Variants in GFM1 observed in about 807,000 individuals in gnomAD.
GFM1 encodes elongation factor G, mitochondrial.
Under a neutral mutation model 96.2 loss-of-function variants are expected in GFM1, and 62 were observed. The observed-to-expected ratio is 0.64, with a 90% CI of 0.53 to 0.80. The LOEUF (loss-of-function observed/expected upper bound fraction) is 0.80. GFM1 is among the 30% of genes least tolerant of loss of function. GFM1 has a pLI of 0.00. For synonymous variants in GFM1, 282 were observed against 312.9 expected, an observed-to-expected ratio of 0.90 and a Z score of 1.04; for missense variants, 852 against 916.6, an observed-to-expected ratio of 0.93 and a Z score of 0.91.
chr3:158,691,317 CT>C lies in GFM1; in HGVS notation c.2125-11del, dbSNP rs747030381. 5 of 1,611,214 alleles carry C rather than the reference CT, an allele frequency of 3.1e-6. No individual in the cohort carries two copies. The highest frequency in any genetic ancestry group is 4.2e-6 in the Non-Finnish European group (5 of 1,178,138). On this transcript the variant is annotated intron_variant, in intron 17 of 17. Coordinates refer to ENST00000486715, the MANE Select transcript of GFM1 (RefSeq NM_024996.7). The stretch of plus-strand genomic sequence containing the variant: ...CAAACAAACAAACAAAAAACCCTCT[CT>C]TTTTTTTAAATCCCTAGGGAAAGGG...
intron 9 of GFM1, chr3:158,660,499 C>T (rs1723117140): frequency 1.6e-5 from 4 of 246,636 alleles, no homozygotes; most frequent in South Asian, 1.4e-4. Context: ...CCACTCGCCT[C>T]GGCCTCCCAA....
intron 13 of GFM1, chr3:158,672,270 C>T: frequency 6.4e-7 from 1 of 1,572,178 alleles, no homozygotes; most frequent in South Asian, 1.2e-5. Flanking sequence ...AGTGTCTGCA[C>T]CCAAAGGCTG....
chr3:158,651,999 C>CA (rs1441614286), intron 5 of GFM1, 97 bp from the exon 6 acceptor site: 5 of 1,057,946 alleles, frequency 4.7e-6, no homozygotes, highest in Non-Finnish European at 7.2e-6. Flanking sequence ...TCTTTGTTAC[C>CA]TAAAAAAATA....
intron 15 of GFM1, among the ~76,000 whole-genome samples, chr3:158,686,721 G>GT (rs67517331): frequency 0.15 from 12,522 of 85,084 alleles, 1,723 homozygotes; most frequent in East Asian, 0.2. Context: ...TTGAATTGAG[G>GT]TTTTTTTTTT....
In GFM1 at chr3:158,690,288, G is replaced by A. The variant is rs145184518; in HGVS notation, c.2035G>A (p.Asp679Asn). Residue 679 changes from aspartate to asparagine, a missense_variant, in exon 16 of 18, where the codon GAT (aspartate) becomes AAT (asparagine). By Grantham distance (23) the Asp-to-Asn change is conservative (BLOSUM62 1). Coordinates refer to ENST00000486715, the MANE Select transcript of GFM1 (RefSeq NM_024996.7). ...NRRHGVITGQ[D>N]GVEDYFTLYA... The stretch of plus-strand genomic sequence containing the variant: ...ACGCCATGGGGTAATCACTGGGCAA[G>A]ATGGAGTTGAGGACTATTTTACACT... 4.3e-6 allele frequency: 7 copies of A among 1,614,046 alleles called. No homozygotes were observed. Among genetic ancestry groups the A allele is most frequent in the Middle Eastern group, 3.3e-4 (2 of 6,062 alleles).
At chr3:158,675,895 C>T (rs1486482520) in intron 13 of GFM1, among the ~76,000 whole-genome samples, 2 of 152,156 alleles carry the variant, frequency 1.3e-5, no homozygotes, top group Admixed American at 1.3e-4. Flanking sequence ...TATGAATTAA[C>T]ACAATGTGCA....
chr3:158,644,565 T>G lies in GFM1; in HGVS notation c.-70T>G. On this transcript the variant is annotated 5_prime_UTR_variant, in exon 1 of 18. Coordinates refer to ENST00000486715, the MANE Select transcript of GFM1 (RefSeq NM_024996.7). ...TGGCTGCCGGCGTGACTTTGACCGC[T>G]TCCCGGTGCGTTACCGGCAGCTGAA... The G allele has an allele frequency of 7.6e-7, 1 of 1,316,704 alleles. No homozygotes were observed. Among genetic ancestry groups the G allele is most frequent in the Non-Finnish European group, 1.1e-6 (1 of 936,902 alleles). 81.6% of individuals were successfully genotyped at this position (1,316,704 alleles called of 1,614,324 possible).
At chr3:158,645,482 C>A in intron 1 of GFM1, 147 bp from the exon 2 acceptor site, 1 of 713,218 alleles carries the variant, frequency 1.4e-6, no homozygotes, top group Non-Finnish European at 2.5e-6. Context: ...GAGTTCCAGG[C>A]TTAAAGGTTT....
chr3:158,690,133 C>T, intron 15 of GFM1, 30 bp from the exon 16 acceptor site: 2 of 1,568,006 alleles, frequency 1.3e-6, no homozygotes, highest in South Asian at 1.1e-5. Context: ...TGTATGAAGA[C>T]TAATGAACTT....
At chr3:158,666,808 G>T in intron 13 of GFM1, 1 of 1,515,320 alleles carries the variant, frequency 6.6e-7, no homozygotes, top group Non-Finnish European at 9.1e-7. Flanking sequence ...ACGTAGTTGG[G>T]TTTATGTTTT....
chr3:158,675,007 G>A (rs1425174168), intron 13 of GFM1, among the ~76,000 whole-genome samples: 2 of 152,078 alleles, frequency 1.3e-5, no homozygotes, highest in Admixed American at 6.6e-5. Flanking sequence ...GCAAGTTTAC[G>A]GCCGGGAGCA....
intron 13 of GFM1, among the ~76,000 whole-genome samples, chr3:158,677,979 T>G (rs1366708578): frequency 6.6e-6 from 1 of 152,192 alleles, no homozygotes; most frequent in Non-Finnish European, 1.5e-5. Context: ...AGTGCCCCTT[T>G]CTCATTGTCA....
chr3:158,673,195 A>G (rs9870144), intron 13 of GFM1, among the ~76,000 whole-genome samples: 4,783 of 152,328 alleles, frequency 0.031, 228 homozygotes, highest in African/African-American at 0.11. Flanking sequence ...AGAAATAAAA[A>G]AATGCACCTG....
At chr3:158,672,241 T>TG in intron 13 of GFM1, 1 of 1,361,860 alleles carries the variant, frequency 7.3e-7, no homozygotes, top group Non-Finnish European at 1.0e-6. Context: ...AAACAGAAGG[T>TG]GGGTAGGGGG....
At chr3:158,656,173 G>A (rs1440726954) in intron 8 of GFM1, 2 of 233,404 alleles carry the variant, frequency 8.6e-6, no homozygotes, top group Non-Finnish European at 1.7e-5. Flanking sequence ...ATTTTTTTGA[G>A]ATGAGATTTC....
intron 9 of GFM1, among the ~76,000 whole-genome samples, chr3:158,660,082 C>A (rs1723077921): frequency 6.6e-6 from 1 of 152,102 alleles, no homozygotes; most frequent in South Asian, 2.1e-4. Flanking sequence ...CTGCTTGCAT[C>A]TGTGAGAAAT....
chr3:158,644,953 T>G (rs903189852), intron 1 of GFM1: 12 of 503,304 alleles, frequency 2.4e-5, no homozygotes, highest in Non-Finnish European at 4.3e-5. Flanking sequence ...ACTCAGATAC[T>G]TTGATATTTT....
chr3:158,684,376 T>A (rs2108101933), intron 14 of GFM1, 148 bp from the exon 15 acceptor site: 2 of 752,002 alleles, frequency 2.7e-6, no homozygotes, highest in Non-Finnish European at 4.4e-6. Context: ...AGTAAAGTTG[T>A]TAAACATTTT....
chr3:158,653,162 G>GT, intron 6 of GFM1, 148 bp from the exon 7 acceptor site: 1 of 629,288 alleles, frequency 1.6e-6, no homozygotes, highest in South Asian at 2.1e-5. Flanking sequence ...TTGACCTTAA[G>GT]TTCATTGGAG....
Sources: gnomAD v4.1 joint callset for allele counts (sites outside exome capture counted in the v4.1 genomes callset) on GRCh38, gnomAD v4.1.1 for gene constraint, MANE v1.5 for transcripts, NCBI Gene and HGNC (gene_info 2026-07-23, HGNC 2026-07-21) for gene names.